The following ABCC1 variants were observed in gnomAD, a reference collection of about 807,000 sequenced individuals.
The protein encoded by ABCC1 is multidrug resistance-associated protein 1.
In ABCC1, 83 loss-of-function variants were observed where a neutral mutation model predicts 172.9. The ratio of observed to expected loss-of-function variants is 0.48; its 90% CI spans 0.40 to 0.58. The LOEUF is 0.58. ABCC1 is among the 20% of genes least tolerant of loss of function. The pLI is 0.00. For missense variants in ABCC1, 1,817 were observed against 2,002.7 expected (o/e 0.91, Z 1.77); for synonymous variants, 937 against 825.2 (o/e 1.14, Z -2.32).
Position 16,134,452 on chromosome 16 carries a change from A to T in ABCC1, c.4069A>T (p.Asn1357Tyr). The T allele has an allele frequency of 1.9e-6, 3 of 1,614,166 alleles. No individual in the cohort carries two copies. Among genetic ancestry groups the T allele is most frequent in the Admixed American group, 1.7e-5 (1 of 60,016 alleles). The change falls in exon 28 of 31, where the codon AAC becomes TAC. Residue 1357 changes from asparagine (N) to tyrosine (Y), a missense_variant. This residue lies in a region of ABCC1 where 1,412 missense variants were observed against 1,600.3 expected (regional missense o/e 0.88). Transcript: ENST00000399410. Reference protein sequence around the residue: ...AEGEIIIDGINIAKIGLHDLR... With the variant: ...AEGEIIIDGIYIAKIGLHDLR... Reference sequence around the variant, plus strand: ...AGGAGAGATCATCATCGATGGCATCAACATCGCCAAGATCGGCCTGCACGA... The same window carrying T: ...AGGAGAGATCATCATCGATGGCATCTACATCGCCAAGATCGGCCTGCACGA...
At chr16:15,980,536 C>T (rs192868900) in intron 1 of ABCC1, among the ~76,000 whole-genome samples, 13 of 152,058 alleles carry the variant, frequency 8.5e-5, no homozygotes, top group African/African-American at 2.9e-4. Context: ...GGGGAAAAGC[C>T]GTTTATCAAA....
At chr16:16,081,798 T>C (rs1342248722) in intron 16 of ABCC1, among the ~76,000 whole-genome samples, 2 of 152,092 alleles carry the variant, frequency 1.3e-5, no homozygotes, top group Non-Finnish European at 2.9e-5. Context: ...GGCAGGTTGA[T>C]CACCTGAGGT....
intron 19 of ABCC1, among the ~76,000 whole-genome samples, chr16:16,102,036 G>C (rs2051777788): frequency 6.6e-6 from 1 of 152,006 alleles, no homozygotes; most frequent in Non-Finnish European, 1.5e-5. Flanking sequence ...TTCAAATGTT[G>C]AAATACTTTA....
intron 19 of ABCC1, among the ~76,000 whole-genome samples, chr16:16,102,249 CT>C (rs1388753758): frequency 2.0e-5 from 3 of 152,324 alleles, no homozygotes; most frequent in Admixed American, 6.5e-5. Context: ...GGGCTATGCC[CT>C]TTCCCTCATG....
At chr16:16,137,112 G>A (rs572272536) in intron 29 of ABCC1, among the ~76,000 whole-genome samples, 50 of 152,158 alleles carry the variant, frequency 3.3e-4, no homozygotes, top group Non-Finnish European at 6.9e-4. Flanking sequence ...TTAGTGCCTG[G>A]TTCTGGTTCT....
intron 3 of ABCC1, among the ~76,000 whole-genome samples, chr16:16,010,817 A>G (rs958289717): frequency 1.3e-5 from 2 of 152,174 alleles, no homozygotes; most frequent in African/African-American, 4.8e-5. Flanking sequence ...TCAAGATCAC[A>G]CCACTAATGT....
chr16:16,035,211 G>A (rs566799575), intron 6 of ABCC1, among the ~76,000 whole-genome samples: 1 of 152,228 alleles, frequency 6.6e-6, no homozygotes, highest in African/African-American at 2.4e-5. Flanking sequence ...AGACCAGCCT[G>A]GCCTACATGG....
intron 1 of ABCC1, among the ~76,000 whole-genome samples, chr16:15,995,065 AG>A (rs2047011732): frequency 6.7e-6 from 1 of 149,890 alleles, no homozygotes; most frequent in Admixed American, 6.7e-5. Context: ...CGGGAGGTGG[AG>A]GTTGCAGTGA....
chr16:16,119,200 G>A (rs1490867797), intron 23 of ABCC1, among the ~76,000 whole-genome samples: 1 of 152,098 alleles, frequency 6.6e-6, no homozygotes, highest in African/African-American at 2.4e-5. Context: ...CAGCCCTTTG[G>A]GAGGCCTAGA....
intron 16 of ABCC1, among the ~76,000 whole-genome samples, chr16:16,083,016 T>C (rs1452294034): frequency 1.3e-5 from 2 of 152,194 alleles, no homozygotes; most frequent in Non-Finnish European, 2.9e-5. Context: ...AATCAAGTAG[T>C]TTTCCGTCAC....
chr16:16,016,770 C>T (rs1210663130), intron 5 of ABCC1, 149 bp downstream of exon 5: 2 of 1,248,412 alleles, frequency 1.6e-6, no homozygotes, highest in Non-Finnish European at 2.2e-6. Flanking sequence ...ACCTACTTTA[C>T]AGATGGAAAA....
chr16:15,953,342 A>G (rs1413066958), intron 1 of ABCC1, among the ~76,000 whole-genome samples: 1 of 152,148 alleles, frequency 6.6e-6, no homozygotes, highest in Non-Finnish European at 1.5e-5. Flanking sequence ...AGAAAAAAAA[A>G]ATTGTGCTTC....
At chr16:16,140,974 G>C (rs548322985) in intron 30 of ABCC1, among the ~76,000 whole-genome samples, 199 bp from the exon 31 acceptor site, 2 of 152,314 alleles carry the variant, frequency 1.3e-5, no homozygotes, top group Admixed American at 6.5e-5. Flanking sequence ...AGATATTAAG[G>C]AGCTGGCCTC....
rs1365695773 is a variant in ABCC1, at chr16:15,993,283, C to T, written c.49-14533C>T. 7.9e-5 allele frequency among the ~76,000 whole-genome samples: 12 copies of T among 152,226 alleles called. No individual in the cohort carries two copies. In the East Asian group the frequency reaches 1.4e-3, roughly 17 times the overall value. On this transcript the variant is annotated intron_variant, in intron 1 of 30. Coordinates refer to ENST00000399410, the MANE Select transcript of ABCC1 (RefSeq NM_004996.4). The stretch of plus-strand genomic sequence containing the variant: ...AACCCTGCACTTATCTGTGTTAATC[C>T]GTCTCTTGGCTGCCGGGAACACCAG...
At chr16:16,042,173 G>GTT (rs57457665) in intron 7 of ABCC1, among the ~76,000 whole-genome samples, 39 of 133,780 alleles carry the variant, frequency 2.9e-4, no homozygotes, top group Non-Finnish European at 2.7e-4. Flanking sequence ...GAGTTTGGCA[G>GTT]TTTTTTTTTT....
intron 16 of ABCC1, 145 bp downstream of exon 16, chr16:16,079,623 A>G (rs2050726921): frequency 9.2e-7 from 1 of 1,087,468 alleles, no homozygotes; most frequent in Non-Finnish European, 1.3e-6. Context: ...GTATCTTTCC[A>G]CTGTCTCTTT....
In ABCC1 at chr16:16,086,891, A is replaced by G; in HGVS notation, c.2360A>G (p.Asp787Gly). 6.2e-7 allele frequency: 1 copy of G among 1,614,180 alleles called. No individual in the cohort carries two copies. Among genetic ancestry groups the G allele is most frequent in the Non-Finnish European group, 8.5e-7 (1 of 1,180,048 alleles). Residue 787 changes from aspartate to glycine, a missense_variant, in exon 18 of 31, where the codon GAC becomes GGC. Transcript: ENST00000399410. ...SLARAVYSNADIYLFDDPLSA... is the reference protein window; with the variant it reads ...SLARAVYSNAGIYLFDDPLSA... ...GCCCGGGCCGTGTACTCCAACGCTG[A>G]CATTTACCTCTTCGATGATCCCCTC...
rs1323847755 is a variant in ABCC1 at position 16,056,155 on chromosome 16, A to C, written c.1537A>C (p.Lys513Gln). ...GATGAACGAAATTCTCAATGGGATC[A>C]AAGTGCTAAAGCTTTATGCCTGGGA... is the stretch of plus-strand genomic sequence containing the variant. ...KLMNEILNGI[K>Q]VLKLYAWELA... The change falls in exon 12 of 31, where the codon AAA becomes CAA. Residue 513 changes from lysine (K) to glutamine (Q), a missense_variant. By Grantham distance (53) the Lys-to-Gln change is moderately conservative (BLOSUM62 1). Around this residue, in one of 3 missense-constraint regions of ABCC1, gnomAD observed 1,412 missense variants for 1,600.3 expected, o/e 0.88. Transcript: ENST00000399410. The C allele has an allele frequency of 2.5e-6, 4 of 1,614,152 alleles. No individual in the cohort carries two copies. The highest frequency in any genetic ancestry group is 2.5e-6 in the Non-Finnish European group (3 of 1,180,034).
intron 5 of ABCC1, among the ~76,000 whole-genome samples, chr16:16,027,776 G>A (rs1377153254): frequency 2.6e-5 from 4 of 152,118 alleles, no homozygotes; most frequent in Non-Finnish European, 5.9e-5. Flanking sequence ...TTACACTACC[G>A]TGCTCCAGCC....
Sources: gnomAD v4.1 joint callset for allele counts (sites outside exome capture counted in the v4.1 genomes callset) on GRCh38, gnomAD v4.1.1 for gene constraint, gnomAD v4.1.1 regional missense constraint, MANE v1.5 for transcripts, NCBI Gene and HGNC (gene_info 2026-07-23, HGNC 2026-07-21) for gene names.